The following SLC25A51 variants were observed in gnomAD, a reference collection of about 807,000 sequenced individuals.
SLC25A51 encodes the protein mitochondrial nicotinamide adenine dinucleotide transporter SLC25A51.
Under a neutral mutation model 19.1 loss-of-function variants are expected in SLC25A51, and 11 were observed. That is an observed-to-expected ratio of 0.58 (90% CI 0.36 to 0.96). SLC25A51 has a LOEUF of 0.96. SLC25A51 is among the 40% of genes least tolerant of loss of function. The pLI, the probability that SLC25A51 is intolerant of heterozygous loss-of-function variation, is 0.01. For missense variants in SLC25A51, 201 were observed against 365.4 expected, an observed-to-expected ratio of 0.55 and a Z score of 3.67; for synonymous variants, 105 against 133.6, an observed-to-expected ratio of 0.79 and a Z score of 1.47.
Position 37,887,895 on chromosome 9 carries a change from C to A in SLC25A51, c.656G>T (p.Gly219Val). ...GAATCCCAACATGGCACCCAATAGA[C>A]CTCCACAGATAAAATCATTGACCAG... ...AHLVNDFICGGLLGAMLGFLF... is the reference protein window; with the variant it reads ...AHLVNDFICGVLLGAMLGFLF... Residue 219 changes from glycine (G) to valine (V), a missense_variant, in exon 3 of 3, where the codon GGT (glycine) becomes GTT (valine). By Grantham distance (109) the Gly-to-Val change is moderately radical. Transcript: ENST00000242275. 8 of 1,612,012 alleles carry A rather than the reference C, an allele frequency of 5.0e-6. No homozygotes were observed. Among genetic ancestry groups the A allele is most frequent in the Non-Finnish European group, 6.8e-6 (8 of 1,179,866 alleles).
downstream of SLC25A51, among the ~76,000 whole-genome samples, chr9:37,887,316 CAAAA>C (rs367826068): frequency 3.3e-5 from 4 of 123,074 alleles, no homozygotes; most frequent in Non-Finnish European, 3.4e-5. Flanking sequence ...GACTCTGCCT[CAAAA>C]AAAAAAAAAA....
intron 2 of SLC25A51, among the ~76,000 whole-genome samples, chr9:37,892,740 ATT>A (rs112309179): frequency 7.1e-6 from 1 of 141,730 alleles, no homozygotes; most frequent in Non-Finnish European, 1.6e-5. Context: ...CACCTGGTTA[ATT>A]TTTTTTTTTT....
At chr9:37,892,651 G>A (rs1408281235) in intron 2 of SLC25A51, among the ~76,000 whole-genome samples, 3 of 150,948 alleles carry the variant, frequency 2.0e-5, no homozygotes, top group Admixed American at 1.3e-4. Flanking sequence ...TGGCTCACCT[G>A]CAGCCTCAAC....
At chr9:37,890,167 T>C (rs993462877) in intron 2 of SLC25A51, among the ~76,000 whole-genome samples, 4 of 152,072 alleles carry the variant, frequency 2.6e-5, no homozygotes, top group South Asian at 2.1e-4. Context: ...GGAGGATTGC[T>C]TGAATCACGA....
At chr9:37,879,298 T>G, downstream of SLC25A51, 2 of 225,880 alleles carry the variant, frequency 8.9e-6, no homozygotes, top group Non-Finnish European at 2.0e-5. Context: ...CACACCAGAC[T>G]GAGGAGTTCA....
chr9:37,882,912 C>T (rs530011592), downstream of SLC25A51, among the ~76,000 whole-genome samples: 6 of 152,270 alleles, frequency 3.9e-5, no homozygotes, highest in African/African-American at 1.4e-4. Flanking sequence ...GGCGCAATCT[C>T]GGCTCACTGC....
chr9:37,881,356 C>CT (rs1831346189), intron 3 of SLC25A51, among the ~76,000 whole-genome samples: 1 of 152,114 alleles, frequency 6.6e-6, no homozygotes, highest in African/African-American at 2.4e-5. Context: ...TGAGGAAGAC[C>CT]TTTAAGAAAT....
At chr9:37,895,866 C>T (rs117432942) in intron 2 of SLC25A51, among the ~76,000 whole-genome samples, 4 of 150,064 alleles carry the variant, frequency 2.7e-5, no homozygotes, top group Admixed American at 6.7e-5. Context: ...TAGGATAGAG[C>T]GCAGAGGCAT....
downstream of SLC25A51, chr9:37,886,395 C>G: frequency 6.3e-7 from 1 of 1,584,660 alleles, no homozygotes; most frequent in Non-Finnish European, 8.6e-7. Context: ...AAATAAGATC[C>G]TCACTTTGGC....
At chr9:37,886,115 T>A (rs1203601290), downstream of SLC25A51, 83 of 1,469,494 alleles carry the variant, frequency 5.6e-5, no homozygotes, top group Non-Finnish European at 7.8e-5. Context: ...TAGTACGCGG[T>A]ACAAAGTGAG....
At chr9:37,887,083 G>A (rs1377747250), downstream of SLC25A51, among the ~76,000 whole-genome samples, 3 of 152,076 alleles carry the variant, frequency 2.0e-5, no homozygotes, top group South Asian at 2.1e-4. Flanking sequence ...TTGGGAGGCC[G>A]AGGCGGGTGG....
intron 2 of SLC25A51, among the ~76,000 whole-genome samples, chr9:37,899,262 G>C (rs576955291): frequency 6.6e-6 from 1 of 152,290 alleles, no homozygotes; most frequent in East Asian, 1.9e-4. Flanking sequence ...ACTCACTCTT[G>C]CAATATGTGG....
downstream of SLC25A51, among the ~76,000 whole-genome samples, chr9:37,887,007 C>CA (rs59930102): frequency 0.028 from 3,493 of 124,996 alleles, 66 homozygotes; most frequent in Non-Finnish European, 0.038. Flanking sequence ...ACTAAAAATA[C>CA]AAAAAAAAAA....
At chr9:37,896,664 T>C (rs1831722338) in intron 2 of SLC25A51, among the ~76,000 whole-genome samples, 1 of 152,086 alleles carries the variant, frequency 6.6e-6, no homozygotes, top group Non-Finnish European at 1.5e-5. Flanking sequence ...GGCGTGGTGG[T>C]GTGCACCTGT....
downstream of SLC25A51, chr9:37,885,816 T>C (rs1032207026): frequency 4.2e-5 from 68 of 1,605,920 alleles, no homozygotes; most frequent in Non-Finnish European, 5.4e-5. Flanking sequence ...TTTCTTCCGC[T>C]TGGATATTCG....
downstream of SLC25A51, chr9:37,878,424 C>A: frequency 5.2e-6 from 1 of 190,938 alleles, no homozygotes; most frequent in South Asian, 1.3e-4. Flanking sequence ...CCAACTGGTT[C>A]TTCACTCGAA....
chr9:37,884,450 C>T (rs1831407531), downstream of SLC25A51, among the ~76,000 whole-genome samples: 1 of 152,164 alleles, frequency 6.6e-6, no homozygotes, highest in African/African-American at 2.4e-5. Context: ...AATGTCAAAA[C>T]CCTAATGGAG....
downstream of SLC25A51, among the ~76,000 whole-genome samples, chr9:37,882,767 G>A (rs1002505185): frequency 4.6e-5 from 7 of 152,130 alleles, no homozygotes; most frequent in Admixed American, 2.0e-4. Flanking sequence ...AGTGTCCTGC[G>A]CTCATGAGCC....
chr9:37,891,086 A>G (rs1361160542), intron 2 of SLC25A51, among the ~76,000 whole-genome samples: 3 of 152,280 alleles, frequency 2.0e-5, no homozygotes, highest in Admixed American at 1.3e-4. Context: ...AGGGGCGTAT[A>G]TCTGCCAGAG....
Sources: allele counts gnomAD v4.1 joint callset (sites outside exome capture counted in the v4.1 genomes callset), GRCh38; gene constraint gnomAD v4.1.1; transcripts MANE v1.5; gene names NCBI Gene and HGNC (gene_info 2026-07-23, HGNC 2026-07-21).